GTPBP10: variants seen among roughly 807,000 people sequenced by gnomAD.
The protein encoded by GTPBP10 is GTP binding protein 10.
A neutral mutation model predicts 44.8 loss-of-function variants in GTPBP10; 38 were observed. That is an observed-to-expected ratio of 0.85 (90% CI 0.65 to 1.11). GTPBP10 has a LOEUF of 1.11. Ranked by LOEUF, GTPBP10 falls within the 50% of genes most tolerant of loss-of-function variation. The pLI, the probability that GTPBP10 is intolerant of heterozygous loss-of-function variation, is 0.00. For missense variants in GTPBP10, 462 were observed against 453.7 expected (o/e 1.02, Z -0.17); for synonymous variants, 152 against 150.6 (o/e 1.01, Z -0.07).
chr7:90,352,450 T>A (rs1795808796), intron 1 of GTPBP10, among the ~76,000 whole-genome samples: 1 of 152,268 alleles, frequency 6.6e-6, no homozygotes, highest in Non-Finnish European at 1.5e-5. Context: ...GCTTTCATCC[T>A]GGTGGAAATG....
At position 90,355,173 on chromosome 7, in the gene GTPBP10, G is replaced by T. The variant is rs1795871856; in HGVS notation, c.407G>T (p.Gly136Val). ...KLLTNFLPLKGQKRIIHLDLK... is the reference protein window; with the variant it reads ...KLLTNFLPLKVQKRIIHLDLK... Reference sequence around the variant, plus strand: ...CTTACAAATTTCTTACCATTGAAAGGCCAGAAACGAATAATTCACCTTGAT... The same window carrying T: ...CTTACAAATTTCTTACCATTGAAAGTCCAGAAACGAATAATTCACCTTGAT... Residue 136 changes from glycine to valine, a missense_variant, in exon 4 of 10, where the codon GGC (glycine) becomes GTC (valine). By Grantham distance (109) the Gly-to-Val change is moderately radical (BLOSUM62 -3). Coordinates refer to ENST00000222511, the MANE Select transcript of GTPBP10 (RefSeq NM_033107.4). 3 of 1,605,724 alleles carry T rather than the reference G, an allele frequency of 1.9e-6. No individual in the cohort carries two copies. Among genetic ancestry groups the T allele is most frequent in the East Asian group, 2.3e-5 (1 of 44,402 alleles).
chr7:90,369,446 A>G (rs1210708849), intron 4 of GTPBP10, among the ~76,000 whole-genome samples: 3 of 151,830 alleles, frequency 2.0e-5, no homozygotes, highest in Admixed American at 6.6e-5. Context: ...GATGTGGTGG[A>G]CTCCACCCAT....
chr7:90,385,242 A>G lies in GTPBP10; in HGVS notation c.*88A>G. The G allele has an allele frequency of 1.1e-6, 1 of 910,994 alleles. No individual in the cohort carries two copies. The highest frequency in any genetic ancestry group is 1.6e-6 in the Non-Finnish European group (1 of 620,962). The allele number at this position is 910,994 out of a possible 1,614,324, so 56.4% of individuals were successfully genotyped here. A position where few individuals can be genotyped will look rare whatever the true frequency, so the allele number is the denominator to read the frequency against. On this transcript the variant is annotated 3_prime_UTR_variant, in exon 10 of 10. Coordinates refer to ENST00000222511, the MANE Select transcript of GTPBP10 (RefSeq NM_033107.4). ...TCTGTGACAACCTGGAGGACATGTT[A>G]AGTAAAATAAGCCAGGCTTAGAAAG...
intron 1 of GTPBP10, 41 bp from the exon 2 acceptor site, chr7:90,352,775 C>G: frequency 6.8e-7 from 1 of 1,467,660 alleles, no homozygotes; most frequent in Middle Eastern, 2.0e-4. Flanking sequence ...TAAGGTGATA[C>G]ACTTTTGGTA....
chr7:90,352,784 T>C, intron 1 of GTPBP10, 32 bp from the exon 2 acceptor site: 1 of 1,514,100 alleles, frequency 6.6e-7, no homozygotes. Context: ...ACACTTTTGG[T>C]ATACAAATAT....
intron 4 of GTPBP10, among the ~76,000 whole-genome samples, chr7:90,365,799 G>A (rs1304651936): frequency 2.0e-5 from 3 of 152,198 alleles, no homozygotes; most frequent in Non-Finnish European, 4.4e-5. Context: ...TTCCAACACT[G>A]TGTTGAATAG....
At position 90,388,909 on chromosome 7, in the gene GTPBP10, A is replaced by G. The variant is rs766623387; in HGVS notation, c.*3755A>G. The G allele has an allele frequency of 6.6e-6, 1 of 152,252 alleles. No individual in the cohort carries two copies. The highest frequency in any genetic ancestry group is 6.5e-5 in the Admixed American group (1 of 15,284). 9.4% of individuals were successfully genotyped at this position (152,252 alleles called of 1,614,324 possible). A position where few individuals can be genotyped will look rare whatever the true frequency, so the allele number is the denominator to read the frequency against. On this transcript the variant is annotated 3_prime_UTR_variant, in exon 10 of 10. Transcript: ENST00000222511. ...TTACAAATCCCATCTACAAATTTGC[A>G]TTGTCATTAAGATATATTAAAAATA...
chr7:90,362,852 T>G, intron 4 of GTPBP10, among the ~76,000 whole-genome samples: 1 of 152,254 alleles, frequency 6.6e-6, no homozygotes, highest in East Asian at 1.9e-4. Context: ...GATAGTTAGC[T>G]CTTCTTGTTG....
chr7:90,352,655 T>C (rs1795812442), intron 1 of GTPBP10, among the ~76,000 whole-genome samples, 161 bp from the exon 2 acceptor site: 1 of 152,192 alleles, frequency 6.6e-6, no homozygotes, highest in South Asian at 2.1e-4. Context: ...GGGGGTCAGA[T>C]CGGAGATGTG....
chr7:90,346,760 GTGT>G lies in GTPBP10; in HGVS notation c.24_26del (p.Leu8del). 6.2e-7 allele frequency: 1 copy of G among 1,614,236 alleles called. No homozygotes were observed. The highest frequency in any genetic ancestry group is 2.2e-5 in the East Asian group (1 of 44,884). On this transcript the variant is annotated inframe_deletion, in exon 1 of 10. Coordinates refer to ENST00000222511, the MANE Select transcript of GTPBP10 (RefSeq NM_033107.4). ...TGCAGCCATGGTGCATTGCAGTTGC[GTGT>G]TGTTCAGAAAGGTCCGTGCGGGTCC...
chr7:90,383,092 A>G lies in GTPBP10; in HGVS notation c.901+13A>G. 6.6e-7 allele frequency: 1 copy of G among 1,513,094 alleles called. No individual in the cohort carries two copies. The highest frequency in any genetic ancestry group is 8.9e-7 in the Non-Finnish European group (1 of 1,117,938). 93.7% of individuals were successfully genotyped at this position (1,513,094 alleles called of 1,614,324 possible). A position where few individuals can be genotyped will look rare whatever the true frequency, so the allele number is the denominator to read the frequency against. On this transcript the variant is annotated intron_variant, in intron 9 of 9. Transcript: ENST00000222511. ...CAGAATCCTAAAGGTAAACCTATTT[A>G]TTCATTTAATTCTAATTTAAAGAAT... is the stretch of plus-strand genomic sequence containing the variant.
rs554100353 is a variant in GTPBP10, at chr7:90,386,506, C to T, written c.*1352C>T. 4 of 152,006 alleles carry T rather than the reference C, an allele frequency of 2.6e-5. No homozygotes were observed. Among genetic ancestry groups the T allele is most frequent in the Admixed American group, 2.0e-4 (3 of 15,264 alleles). 9.4% of individuals were successfully genotyped at this position (152,006 alleles called of 1,614,324 possible). ...TTTTGTCATAATCTATTTAATTTCC[C>T]ACTTTCTTATTTTAGTAAAGAGAGA... On this transcript the variant is annotated 3_prime_UTR_variant, in exon 10 of 10. Transcript: ENST00000222511.
At chr7:90,347,578 C>T (rs556504032) in intron 1 of GTPBP10, 1 of 508,438 alleles carries the variant, frequency 2.0e-6, no homozygotes, top group East Asian at 1.5e-4. Context: ...TAAGAAATTA[C>T]TCCTTAAGTT....
At chr7:90,377,137 T>C (rs1796355981) in intron 6 of GTPBP10, among the ~76,000 whole-genome samples, 1 of 152,132 alleles carries the variant, frequency 6.6e-6, no homozygotes, top group African/African-American at 2.4e-5. Flanking sequence ...GGTGGGAACA[T>C]AGCTTGAGCC....
At chr7:90,378,476 T>G (rs780729262) in intron 8 of GTPBP10, 5 of 154,506 alleles carry the variant, frequency 3.2e-5, no homozygotes, top group African/African-American at 4.8e-5. Context: ...GCACATTGTT[T>G]AATTCCTCTT....
chr7:90,354,837 G>T (rs1795863409), intron 3 of GTPBP10, among the ~76,000 whole-genome samples: 1 of 151,940 alleles, frequency 6.6e-6, no homozygotes, highest in Non-Finnish European at 1.5e-5. Context: ...TTGTAAATTG[G>T]AATTTCCTGG....
rs745761649 is a variant in GTPBP10, at chr7:90,346,720, G to A, written c.-22G>A. 2.5e-6 allele frequency: 4 copies of A among 1,614,208 alleles called. No individual in the cohort carries two copies. The highest frequency in any genetic ancestry group is 2.2e-5 in the East Asian group (1 of 44,888). ...GCGGCTTGTGCCGCTTCCGCAAGAA[G>A]GTTTCCTGGCCTGTTGCAGCCATGG... is the stretch of plus-strand genomic sequence containing the variant. On this transcript the variant is annotated 5_prime_UTR_variant, in exon 1 of 10. Transcript: ENST00000222511.
chr7:90,357,996 A>C (rs1383618801), intron 4 of GTPBP10, among the ~76,000 whole-genome samples: 2 of 152,116 alleles, frequency 1.3e-5, no homozygotes, highest in African/African-American at 4.8e-5. Context: ...AAGTCAAACT[A>C]TCTGTTTGCC....
intron 1 of GTPBP10, among the ~76,000 whole-genome samples, chr7:90,349,341 C>T (rs1404451041): frequency 6.6e-6 from 1 of 152,022 alleles, no homozygotes; most frequent in Non-Finnish European, 1.5e-5. Context: ...GATCTAGAGG[C>T]TGATTTACAG....
Sources: allele counts gnomAD v4.1 joint callset (sites outside exome capture counted in the v4.1 genomes callset), GRCh38; gene constraint gnomAD v4.1.1; transcripts MANE v1.5; gene names NCBI Gene and HGNC (gene_info 2026-07-23, HGNC 2026-07-21).